Variants in INTS6 observed in about 807,000 individuals in gnomAD.
INTS6 encodes the protein DEAD box protein.
A neutral mutation model predicts 104.9 loss-of-function variants in INTS6; 16 were observed. The ratio of observed to expected loss-of-function variants is 0.15; its 90% CI spans 0.10 to 0.23. The LOEUF is 0.23. Among genes scored for constraint, INTS6 ranks in the 10% least tolerant of loss-of-function variants. The probability of loss-of-function intolerance (pLI) is 1.00; values close to 1 mark genes in which losing one functional copy is unlikely to be tolerated. For synonymous variants in INTS6, 324 were observed against 358.7 expected, an observed-to-expected ratio of 0.90 and a Z score of 1.09; for missense variants, 584 against 1,062.8, an observed-to-expected ratio of 0.55 and a Z score of 6.26.
intron 6 of INTS6, among the ~76,000 whole-genome samples, chr13:51,387,887 A>AT (rs1956169029): frequency 6.6e-6 from 1 of 152,184 alleles, no homozygotes; most frequent in Admixed American, 6.5e-5. Context: ...CAAGCACCCA[A>AT]TTTGCCACCT....
chr13:51,369,019 A>G lies in INTS6; in HGVS notation c.2396T>C (p.Leu799Ser), dbSNP rs1955748267. The change falls in exon 16 of 18, where the codon TTG becomes TCG. Residue 799 changes from leucine (L) to serine (S), a missense_variant. Coordinates refer to ENST00000311234, the MANE Select transcript of INTS6 (RefSeq NM_012141.3). Reference protein sequence around the residue: ...PASSLNKGKKLMHCRSHEEVN... With the variant: ...PASSLNKGKKSMHCRSHEEVN... ...CTCTTCATGGCTTCTGCAATGCATC[A>G]ATTTCTTTCCTTTGTTGAGTGAAGA... The G allele has an allele frequency of 1.2e-5, 20 of 1,613,556 alleles. No individual in the cohort carries two copies. The highest frequency in any genetic ancestry group is 1.7e-5 in the Non-Finnish European group (20 of 1,179,816).
At chr13:51,371,975 T>C (rs1955815403) in intron 15 of INTS6, among the ~76,000 whole-genome samples, 1 of 152,188 alleles carries the variant, frequency 6.6e-6, no homozygotes, top group Non-Finnish European at 1.5e-5. Context: ...GTGCTGAGTA[T>C]GCCTTTTCTC....
chr13:51,368,601 T>C (rs989136660), intron 16 of INTS6, among the ~76,000 whole-genome samples: 4 of 152,298 alleles, frequency 2.6e-5, no homozygotes, highest in South Asian at 2.1e-4. Context: ...TTTACAGACA[T>C]GAAGTCATTT....
Position 51,452,186 on chromosome 13 carries a change from C to G in INTS6, c.112-131G>C. 1 of 902,352 alleles carries G rather than the reference C, an allele frequency of 1.1e-6. No homozygotes were observed. The highest frequency in any genetic ancestry group is 1.7e-6 in the Non-Finnish European group (1 of 591,238). 55.9% of individuals were successfully genotyped at this position (902,352 alleles called of 1,614,324 possible). ...ACACGCAGCGGCCACCCCTCCACGC[C>G]GTCCCCCACACACAGATCGCTCCCC... On this transcript the variant is annotated intron_variant, in intron 1 of 17. Coordinates refer to ENST00000311234, the MANE Select transcript of INTS6 (RefSeq NM_012141.3). This position sits in a 1 kb window ranked among gnomAD's most constrained non-coding sequence, Gnocchi z 4.2.
At chr13:51,357,898 T>C (rs894941243), downstream of INTS6, among the ~76,000 whole-genome samples, 1 of 152,148 alleles carries the variant, frequency 6.6e-6, no homozygotes, top group African/African-American at 2.4e-5. Context: ...GTAGGTAGTT[T>C]CCAATCTCTG....
At chr13:51,450,980 C>G (rs1189729990) in intron 3 of INTS6, 45 bp downstream of exon 3, 7 of 1,450,950 alleles carry the variant, frequency 4.8e-6, no homozygotes, top group Non-Finnish European at 6.4e-6. Context: ...TGTTTTTCCA[C>G]AAAATGAAAA....
chr13:51,335,482 T>C, the INTS6 span, among the ~76,000 whole-genome samples: 88 of 152,258 alleles, frequency 5.8e-4, 1 homozygote, highest in South Asian at 0.015. Context: ...ATAAAAGTGA[T>C]GGGAAATACT....
At chr13:51,385,750 A>G (rs751748608) in intron 7 of INTS6, among the ~76,000 whole-genome samples, 3 of 152,204 alleles carry the variant, frequency 2.0e-5, no homozygotes, top group Admixed American at 6.5e-5. Context: ...TTCAGTTACT[A>G]AAGTTTGCCA....
At chr13:51,396,714 C>CA (rs956597174) in intron 4 of INTS6, among the ~76,000 whole-genome samples, 1 of 152,176 alleles carries the variant, frequency 6.6e-6, no homozygotes, top group Non-Finnish European at 1.5e-5. Flanking sequence ...TCAAGTTAAA[C>CA]ACCAGCACAA....
intron 5 of INTS6, among the ~76,000 whole-genome samples, chr13:51,391,648 C>G (rs1167015370): frequency 6.6e-6 from 1 of 152,050 alleles, no homozygotes; most frequent in Non-Finnish European, 1.5e-5. Flanking sequence ...ACCTTCAAGT[C>G]AAGAAGCTGT....
chr13:51,373,951 G>C (rs1955864070), intron 15 of INTS6, among the ~76,000 whole-genome samples: 1 of 152,148 alleles, frequency 6.6e-6, no homozygotes, highest in South Asian at 2.1e-4. Context: ...TGCTCCTTTC[G>C]AAAGTATTAT....
chr13:51,409,014 T>A (rs1956631061), intron 4 of INTS6, among the ~76,000 whole-genome samples: 1 of 152,138 alleles, frequency 6.6e-6, no homozygotes, highest in Non-Finnish European at 1.5e-5. Flanking sequence ...CCATAGCATT[T>A]GAGTATCACA....
intron 5 of INTS6, among the ~76,000 whole-genome samples, chr13:51,392,197 C>A (rs555121471): frequency 1.9e-3 from 289 of 152,314 alleles, no homozygotes; most frequent in African/African-American, 6.4e-3. Flanking sequence ...TCAGACGTCA[C>A]CTCCCGTAAA....
chr13:51,441,902 C>A (rs1321140397), intron 3 of INTS6: 1 of 151,004 alleles, frequency 6.6e-6, no homozygotes, highest in African/African-American at 2.4e-5. Context: ...CTCACAGCAA[C>A]CTCCACCTCC....
chr13:51,433,447 C>T (rs1262497676), intron 3 of INTS6, among the ~76,000 whole-genome samples: 2 of 152,046 alleles, frequency 1.3e-5, no homozygotes, highest in East Asian at 3.9e-4. Context: ...GACTCCGTCT[C>T]AAAAAAAGAA....
intron 4 of INTS6, among the ~76,000 whole-genome samples, chr13:51,414,833 T>TATAC (rs1555288619): frequency 5.6e-5 from 8 of 142,950 alleles, no homozygotes; most frequent in African/African-American, 7.9e-5. Context: ...AGTTCTTCTA[T>TATAC]ACACACACAC....
chr13:51,394,054 T>G (rs1362994239), intron 5 of INTS6, among the ~76,000 whole-genome samples: 1 of 151,940 alleles, frequency 6.6e-6, no homozygotes, highest in African/African-American at 2.4e-5. Context: ...TCAGAATTTT[T>G]AACAAGGGTG....
intron 4 of INTS6, among the ~76,000 whole-genome samples, chr13:51,396,124 T>A (rs554122557): frequency 1.3e-5 from 2 of 152,034 alleles, no homozygotes; most frequent in African/African-American, 2.4e-5. Context: ...TAAAAAAAAA[T>A]AGACCTCAAA....
At chr13:51,342,510 T>C in the INTS6 span, among the ~76,000 whole-genome samples, 5 of 152,266 alleles carry the variant, frequency 3.3e-5, no homozygotes, top group African/African-American at 7.2e-5. Flanking sequence ...TACCCTGTCA[T>C]TGCATATTCT....
Sources: allele counts gnomAD v4.1 joint callset (sites outside exome capture counted in the v4.1 genomes callset), GRCh38; gene constraint gnomAD v4.1.1; non-coding constraint Gnocchi (gnomAD v3.1); transcripts MANE v1.5; gene names NCBI Gene and HGNC (gene_info 2026-07-23, HGNC 2026-07-21).